LINGO2: variants seen among roughly 807,000 people sequenced by gnomAD.
LINGO2 encodes the protein leucine-rich repeat and immunoglobulin-like domain-containing nogo receptor-interacting protein 2.
LINGO2 carries 14 observed loss-of-function variants against 30.6 expected under a neutral mutation model. The observed-to-expected ratio is 0.46, with a 90% CI of 0.30 to 0.72. The LOEUF is 0.72. Among genes scored for constraint, LINGO2 ranks in the 30% least tolerant of loss-of-function variants. The probability of loss-of-function intolerance (pLI) is 0.07; values close to 1 mark genes in which losing one functional copy is unlikely to be tolerated. For missense variants in LINGO2, 729 were observed against 751.7 expected (o/e 0.97, Z 0.35); for synonymous variants, 317 against 288.5 (o/e 1.10, Z -1.00).
At chr9:29,052,641 C>A in the LINGO2 span, among the ~76,000 whole-genome samples, 1 of 152,088 alleles carries the variant, frequency 6.6e-6, no homozygotes, top group South Asian at 2.1e-4. Context: ...TTTGGCAGTT[C>A]TCTTCACCTG....
intron 4 of LINGO2, among the ~76,000 whole-genome samples, chr9:28,051,184 G>C (rs957928110): frequency 6.6e-6 from 1 of 151,448 alleles, no homozygotes; most frequent in Non-Finnish European, 1.5e-5. Context: ...CACAGATGCA[G>C]TTGAGGTCAT....
At chr9:28,964,056 C>CAT in the LINGO2 span, among the ~76,000 whole-genome samples, 6 of 151,736 alleles carry the variant, frequency 4.0e-5, no homozygotes, top group East Asian at 9.7e-4. Flanking sequence ...GATATGTGTG[C>CAT]ATATATATGT....
chr9:28,449,061 G>GTGTA (rs1268778676), intron 2 of LINGO2, among the ~76,000 whole-genome samples: 2 of 151,594 alleles, frequency 1.3e-5, no homozygotes, highest in African/African-American at 4.8e-5. Context: ...GTGTGTGTGT[G>GTGTA]TGTGTGTGTG....
chr9:28,534,625 G>C (rs906909454), intron 1 of LINGO2, among the ~76,000 whole-genome samples: 1 of 151,946 alleles, frequency 6.6e-6, no homozygotes, highest in African/African-American at 2.4e-5. Context: ...ATTCAGTGCT[G>C]CTTACTTATT....
the LINGO2 span, among the ~76,000 whole-genome samples, chr9:28,729,397 A>T: frequency 2.6e-5 from 4 of 152,162 alleles, no homozygotes; most frequent in African/African-American, 9.7e-5. Context: ...TACATGAAAG[A>T]TAGAAACCAG....
the LINGO2 span, among the ~76,000 whole-genome samples, chr9:29,029,529 C>T: frequency 8.5e-5 from 13 of 152,076 alleles, no homozygotes; most frequent in Middle Eastern, 3.4e-3. Flanking sequence ...CCCCAGAAAC[C>T]CATTATTTGA....
the LINGO2 span, among the ~76,000 whole-genome samples, chr9:28,887,338 T>C: frequency 7.2e-5 from 11 of 152,028 alleles, no homozygotes; most frequent in Admixed American, 6.6e-5. Context: ...AGGCCTATTG[T>C]TCTAACTTGC....
chr9:28,335,649 C>T (rs1337441798), intron 3 of LINGO2, among the ~76,000 whole-genome samples: 1 of 152,064 alleles, frequency 6.6e-6, no homozygotes, highest in Non-Finnish European at 1.5e-5. Context: ...ATTATAGAAA[C>T]AACATATGCC....
rs1331650775 is a variant in LINGO2 at position 27,956,564 on chromosome 9, A to AT, written c.-35-5859dup. 6.6e-5 allele frequency among the ~76,000 whole-genome samples: 10 copies of AT among 151,778 alleles called. No individual in the cohort carries two copies. In the East Asian group the frequency reaches 1.5e-3, roughly 23 times the overall value. On this transcript the variant is annotated intron_variant, in intron 5 of 5. Transcript: ENST00000379992. ...TTTTAAAATTTAAATCCATTTTAAC[A>AT]TTTTTTTAATGATTTGTCCTTTTGG...
intron 4 of LINGO2, among the ~76,000 whole-genome samples, chr9:28,040,613 C>G (rs1587748208): frequency 2.0e-5 from 3 of 152,076 alleles, no homozygotes; most frequent in African/African-American, 7.2e-5. Context: ...CTATCAACTT[C>G]AAATACTGCT....
At chr9:28,661,905 A>G (rs1588041106) in intron 1 of LINGO2, among the ~76,000 whole-genome samples, 1 of 152,140 alleles carries the variant, frequency 6.6e-6, no homozygotes, top group African/African-American at 2.4e-5. Context: ...GGCAGGAGGT[A>G]TTTTTAACAA....
the LINGO2 span, among the ~76,000 whole-genome samples, chr9:29,053,638 C>G: frequency 6.6e-6 from 1 of 152,162 alleles, no homozygotes; most frequent in African/African-American, 2.4e-5. Flanking sequence ...ACACACATCA[C>G]TTTCTTTAAT....
chr9:28,264,431 A>C, intron 4 of LINGO2, among the ~76,000 whole-genome samples: 1 of 152,126 alleles, frequency 6.6e-6, no homozygotes, highest in East Asian at 1.9e-4. Context: ...ATTATTTTTT[A>C]ACTTAATATA....
At chr9:28,350,668 C>T (rs1176912466) in intron 3 of LINGO2, among the ~76,000 whole-genome samples, 1 of 151,876 alleles carries the variant, frequency 6.6e-6, no homozygotes, top group Non-Finnish European at 1.5e-5. Context: ...CATCTACAGA[C>T]TCTCCACCCC....
intron 4 of LINGO2, among the ~76,000 whole-genome samples, chr9:28,101,936 G>A (rs529284502): frequency 1.3e-5 from 2 of 152,172 alleles, no homozygotes; most frequent in East Asian, 3.9e-4. Context: ...TAGGAGTCAC[G>A]CACCAGGAAT....
rs1011979596 is a variant in LINGO2, at chr9:28,298,511, A to G, written c.-245-3145T>C. 6.6e-5 allele frequency among the ~76,000 whole-genome samples: 10 copies of G among 150,852 alleles called. No individual in the cohort carries two copies. The East Asian group carries it at 9.8e-4, about 15-fold the overall frequency. On this transcript the variant is annotated intron_variant, in intron 3 of 5. Coordinates refer to ENST00000379992, the Ensembl canonical transcript of LINGO2. ...ATCCTGTCTCTACCAAAAAAAAAAA[A>G]AAAGAAAGAAAAAAATACAAAATTA...
At chr9:28,965,843 T>A in the LINGO2 span, among the ~76,000 whole-genome samples, 2 of 152,056 alleles carry the variant, frequency 1.3e-5, no homozygotes, top group South Asian at 4.1e-4. Flanking sequence ...TATAAATATA[T>A]CCATGTGGCA....
the LINGO2 span, among the ~76,000 whole-genome samples, chr9:29,098,626 T>C: frequency 1.3e-5 from 2 of 152,202 alleles, no homozygotes; most frequent in East Asian, 1.9e-4. Context: ...GTGTGTAATA[T>C]AGGGGAAGAG....
the LINGO2 span, among the ~76,000 whole-genome samples, chr9:28,916,217 G>C: frequency 6.6e-6 from 1 of 152,082 alleles, no homozygotes; most frequent in African/African-American, 2.4e-5. Flanking sequence ...GGCCCCGAGA[G>C]AAATCAAAGT....
Sources: allele counts gnomAD v4.1 joint callset (sites outside exome capture counted in the v4.1 genomes callset), GRCh38; gene constraint gnomAD v4.1.1; transcripts MANE v1.5; gene names NCBI Gene and HGNC (gene_info 2026-07-23, HGNC 2026-07-21).